Variants in AP1S1 observed in about 807,000 individuals in gnomAD.
AP1S1 encodes adaptor related protein complex 1 subunit sigma 1.
In AP1S1, 13 loss-of-function variants were observed where a neutral mutation model predicts 23.9. The observed-to-expected ratio is 0.54, with a 90% CI of 0.35 to 0.86. AP1S1 has a LOEUF of 0.86. Among genes scored for constraint, AP1S1 ranks in the 40% least tolerant of loss-of-function variants. The pLI is 0.01. For synonymous variants in AP1S1, 84 were observed against 77.7 expected (o/e 1.08, Z -0.43); for missense variants, 119 against 197.6 (o/e 0.60, Z 2.38).
chr7:101,154,736 G>A, intron 1 of AP1S1: 3 of 691,156 alleles, frequency 4.3e-6, no homozygotes, highest in Non-Finnish European at 6.5e-6. Flanking sequence ...AGGGCGAGCG[G>A]GGGCTGACGA....
rs574661418 is a variant in AP1S1, at chr7:101,157,192, C to T, written c.183-185C>T. 1.3e-4 allele frequency among the ~76,000 whole-genome samples: 20 copies of T among 152,264 alleles called. No homozygotes were observed. In the South Asian group the frequency reaches 1.9e-3, roughly 14 times the overall value. ...CAGAGGGCAGGAAGGAAAAAGCATG[C>T]GTTCTTTGCATGTTTTTAAGACAGC... On this transcript the variant is annotated intron_variant, in intron 2 of 4. Transcript: ENST00000337619.
chr7:101,160,400 C>G, intron 4 of AP1S1, 119 bp from the exon 5 acceptor site: 2 of 1,248,006 alleles, frequency 1.6e-6, no homozygotes, highest in Non-Finnish European at 2.3e-6. Context: ...ATTGGCTTCT[C>G]TCCCCCTCCC....
chr7:101,155,094 G>A (rs370842684), intron 1 of AP1S1: 7 of 915,654 alleles, frequency 7.6e-6, no homozygotes, highest in Middle Eastern at 5.5e-4. Flanking sequence ...CCCGGGCTCC[G>A]GGGCTCTCTG....
At chr7:101,157,922 A>G (rs1229093551) in intron 3 of AP1S1, among the ~76,000 whole-genome samples, 3 of 151,892 alleles carry the variant, frequency 2.0e-5, no homozygotes, top group Non-Finnish European at 4.4e-5. Flanking sequence ...AGGAGGTGGG[A>G]CTGCAGGTGC....
rs545878002 is a variant in AP1S1 at position 101,156,861 on chromosome 7, G to A, written c.182+89G>A. ...AGAAATGGTCGTCCTGTAGGTCAGGGAGACCTGGGAGCTGAGGACATCTGG... is the reference window on the plus strand; with the variant it reads ...AGAAATGGTCGTCCTGTAGGTCAGGAAGACCTGGGAGCTGAGGACATCTGG... On this transcript the variant is annotated intron_variant, in intron 2 of 4. Transcript: ENST00000337619. 8 of 1,204,146 alleles carry A rather than the reference G, an allele frequency of 6.6e-6. No homozygotes were observed. The African/African-American group carries it at 1.1e-4, about 16-fold the overall frequency. 74.6% of individuals were successfully genotyped at this position (1,204,146 alleles called of 1,614,324 possible).
Position 101,157,391 on chromosome 7 carries a change from ACTT to A in AP1S1, c.200_202del (p.Phe67del), listed in dbSNP as rs775565842. ...CCTCTCCGCAGATATGCCAGCCTCTACTTCTGCTGCGCCATCGAGGGCCAAGAC... is the reference window on the plus strand; with the variant it reads ...CCTCTCCGCAGATATGCCAGCCTCTACTGCTGCGCCATCGAGGGCCAAGAC... On this transcript the variant is annotated inframe_deletion, in exon 3 of 5. Transcript: ENST00000337619. 1 of 1,575,548 alleles carries A rather than the reference ACTT, an allele frequency of 6.3e-7. No homozygotes were observed. The highest frequency in any genetic ancestry group is 8.6e-7 in the Non-Finnish European group (1 of 1,160,584).
At position 101,160,691 on chromosome 7, in the gene AP1S1, G is replaced by A. The variant is rs903895462; in HGVS notation, c.*125G>A. The A allele has an allele frequency of 1.7e-5, 20 of 1,153,084 alleles. No individual in the cohort carries two copies. Among genetic ancestry groups the A allele is most frequent in the Admixed American group, 1.8e-5 (1 of 54,468 alleles). The allele number at this position is 1,153,084 out of a possible 1,614,324, so 71.4% of individuals were successfully genotyped here. On this transcript the variant is annotated 3_prime_UTR_variant, in exon 5 of 5. Transcript: ENST00000337619. ...CCCCTCCTCTGCTGCCTCACCTTTCGGAGTGAGCTGTGGGCTCAGGCCCTT... is the reference window on the plus strand; with the variant it reads ...CCCCTCCTCTGCTGCCTCACCTTTCAGAGTGAGCTGTGGGCTCAGGCCCTT...
chr7:101,158,355 T>C (rs901903200), intron 3 of AP1S1, among the ~76,000 whole-genome samples: 1 of 152,252 alleles, frequency 6.6e-6, no homozygotes, highest in East Asian at 1.9e-4. Context: ...AACTGAGACT[T>C]AGAGATGTTT....
At position 101,156,579 on chromosome 7, in the gene AP1S1, TC is replaced by T; in HGVS notation, c.4-12del. On this transcript the variant is annotated splice_polypyrimidine_tract_variant and intron_variant, in intron 1 of 4. Transcript: ENST00000337619. Reference sequence around the variant, plus strand: ...TGTGTGGTTACCCTCGGTTCTGCCCTCCCATCCCCCACAGATGCGGTTCATG... The same window carrying T: ...TGTGTGGTTACCCTCGGTTCTGCCCTCCATCCCCCACAGATGCGGTTCATG... 1 of 1,606,724 alleles carries T rather than the reference TC, an allele frequency of 6.2e-7. No individual in the cohort carries two copies. Among genetic ancestry groups the T allele is most frequent in the Non-Finnish European group, 8.5e-7 (1 of 1,175,718 alleles).
In AP1S1 at chr7:101,157,375, A is replaced by G. The variant is rs751430853; in HGVS notation, c.183-2A>G. ...CGATGTCTCATGCGCTCCTCTCCGC[A>G]GATATGCCAGCCTCTACTTCTGCTG... On this transcript the variant is annotated splice_acceptor_variant, in intron 2 of 4. Transcript: ENST00000337619. LOFTEE classifies it high-confidence loss of function. 14 of 1,564,740 alleles carry G rather than the reference A, an allele frequency of 8.9e-6. No individual in the cohort carries two copies. Among genetic ancestry groups the G allele is most frequent in the Non-Finnish European group, 1.2e-5 (14 of 1,154,556 alleles).
intron 3 of AP1S1, among the ~76,000 whole-genome samples, chr7:101,158,656 T>A (rs6973806): frequency 0.15 from 23,411 of 152,200 alleles, 1,900 homozygotes; most frequent in South Asian, 0.18. Flanking sequence ...GATCCCAGCA[T>A]TTTGGGAAGC....
In AP1S1 at chr7:101,159,332, C is replaced by A. The variant is rs148622657; in HGVS notation, c.429+136C>A. 249 of 1,297,738 alleles carry A rather than the reference C, an allele frequency of 1.9e-4. 1 individual carries two copies. In the African/African-American group the frequency reaches 3.5e-3, roughly 18 times the overall value. The allele number at this position is 1,297,738 out of a possible 1,614,324, so 80.4% of individuals were successfully genotyped here. On this transcript the variant is annotated intron_variant, in intron 4 of 4. Coordinates refer to ENST00000337619, the MANE Select transcript of AP1S1 (RefSeq NM_001283.5). Reference sequence around the variant, plus strand: ...TCCCTGTGGTATCTGACCCCCACCACGCCCAGCTCTCCAGCTTACTCTCAA... The same window carrying A: ...TCCCTGTGGTATCTGACCCCCACCAAGCCCAGCTCTCCAGCTTACTCTCAA...
At chr7:101,160,497 C>T in intron 4 of AP1S1, 22 bp from the exon 5 acceptor site, 3 of 1,610,178 alleles carry the variant, frequency 1.9e-6, no homozygotes, top group Non-Finnish European at 2.5e-6. Flanking sequence ...TCTGCGTCAC[C>T]CTCTGTCTGT....
intron 4 of AP1S1, 38 bp downstream of exon 4, chr7:101,159,234 A>T: frequency 6.4e-7 from 1 of 1,574,252 alleles, no homozygotes; most frequent in Non-Finnish European, 8.6e-7. Context: ...GAGGAAGCGC[A>T]CAGTGGCGGA....
rs573047043 is a variant in AP1S1, at chr7:101,157,727, CG to C, written c.291+244del. 6.6e-5 allele frequency among the ~76,000 whole-genome samples: 10 copies of C among 152,324 alleles called. No homozygotes were observed. In the South Asian group the frequency reaches 1.4e-3, roughly 22 times the overall value. ...CTTAATCTCCACTTAGAGCTTAGCT[CG>C]GACTTTTCACACAGAGACCAAGTTC... On this transcript the variant is annotated intron_variant, in intron 3 of 4. Transcript: ENST00000337619.
At position 101,154,493 on chromosome 7, in the gene AP1S1, G is replaced by T. The variant is rs988810613; in HGVS notation, c.-22G>T. ...GCGCCTACGGTGGCCGAAGTGGGAC[G>T]CGCCGAGCCGGAGGCTGCAGGATGG... On this transcript the variant is annotated 5_prime_UTR_variant, in exon 1 of 5. Coordinates refer to ENST00000337619, the MANE Select transcript of AP1S1 (RefSeq NM_001283.5). 1.0e-5 allele frequency: 16 copies of T among 1,572,694 alleles called. No homozygotes were observed. Among genetic ancestry groups the T allele is most frequent in the Non-Finnish European group, 1.4e-5 (16 of 1,159,798 alleles).
intron 1 of AP1S1, chr7:101,154,810 AT>A (rs1433833170): frequency 9.5e-6 from 4 of 421,008 alleles, no homozygotes; most frequent in Middle Eastern, 1.2e-3. Context: ...GGGTCCCTCG[AT>A]CCCCGCTGCA....
At chr7:101,159,982 GCGCGCA>G (rs1353234201) in intron 4 of AP1S1, among the ~76,000 whole-genome samples, 2 of 59,782 alleles carry the variant, frequency 3.3e-5, no homozygotes, top group African/African-American at 9.4e-5. Flanking sequence ...ACACACCCTG[GCGCGCA>G]CACACACACA....
intron 2 of AP1S1, 50 bp downstream of exon 2, chr7:101,156,822 G>A: frequency 7.0e-7 from 1 of 1,431,360 alleles, no homozygotes; most frequent in Non-Finnish European, 9.2e-7. Flanking sequence ...TTGGGCAGTG[G>A]GTTAAAATGT....
Sources: allele counts gnomAD v4.1 joint callset (sites outside exome capture counted in the v4.1 genomes callset), GRCh38; gene constraint gnomAD v4.1.1; transcripts MANE v1.5; gene names NCBI Gene and HGNC (gene_info 2026-07-23, HGNC 2026-07-21).